The following PRDM5 variants were observed in gnomAD, a reference collection of about 807,000 sequenced individuals.
The protein encoded by PRDM5 is PR domain zinc finger protein 5.
A neutral mutation model predicts 81.2 loss-of-function variants in PRDM5; 56 were observed. The observed-to-expected ratio is 0.69, with a 90% CI of 0.56 to 0.86. The LOEUF is 0.86. Among genes scored for constraint, PRDM5 ranks in the 40% least tolerant of loss-of-function variants. The probability of loss-of-function intolerance (pLI) is 0.00; values close to 1 mark genes in which losing one functional copy is unlikely to be tolerated. For missense variants in PRDM5, 697 were observed against 770.1 expected, an observed-to-expected ratio of 0.91 and a Z score of 1.12; for synonymous variants, 267 against 256.4, an observed-to-expected ratio of 1.04 and a Z score of -0.39.
Position 120,784,981 on chromosome 4 carries a change from C to T in PRDM5, c.1282+17G>A. Reference sequence around the variant, plus strand: ...AGATAATTCCTTATATTCTCAACTGCCTGAATCGTGACTTACTGTTATGTA... The same window carrying T: ...AGATAATTCCTTATATTCTCAACTGTCTGAATCGTGACTTACTGTTATGTA... On this transcript the variant is annotated intron_variant, in intron 11 of 15. Coordinates refer to ENST00000264808, the MANE Select transcript of PRDM5 (RefSeq NM_018699.4). 3 of 1,556,304 alleles carry T rather than the reference C, an allele frequency of 1.9e-6. No individual in the cohort carries two copies. Among genetic ancestry groups the T allele is most frequent in the South Asian group, 2.2e-5 (2 of 89,972 alleles).
chr4:120,910,932 G>A lies in PRDM5; in HGVS notation c.94-3375C>T, dbSNP rs569086726. Among the ~76,000 whole-genome samples the A allele has an allele frequency of 8.5e-5, 13 of 152,146 alleles. No homozygotes were observed. In the East Asian group the frequency reaches 2.1e-3, roughly 25 times the overall value. ...CTGAAGATTTCACACTAGCAGATAG[G>A]AAAACTGTCCGCTCTTCCATTTTCT... On this transcript the variant is annotated intron_variant, in intron 1 of 15. Transcript: ENST00000264808.
intron 3 of PRDM5, chr4:120,839,074 C>T (rs866564050): frequency 1.5e-5 from 9 of 581,662 alleles, no homozygotes; most frequent in African/African-American, 3.7e-5. Flanking sequence ...TCCAGAAGCT[C>T]GGAGACACCA....
chr4:120,774,974 G>C (rs1367010875), intron 13 of PRDM5, among the ~76,000 whole-genome samples: 2 of 149,022 alleles, frequency 1.3e-5, no homozygotes, highest in Non-Finnish European at 3.0e-5. Context: ...ATATATGTGT[G>C]TGTATATGTA....
chr4:120,697,864 G>A (rs1287537915), intron 15 of PRDM5, among the ~76,000 whole-genome samples: 2 of 150,614 alleles, frequency 1.3e-5, no homozygotes, highest in African/African-American at 2.4e-5. Context: ...GAAACATAGA[G>A]AAAAGAAAGC....
intron 14 of PRDM5, among the ~76,000 whole-genome samples, chr4:120,728,759 G>T (rs17051235): frequency 0.2 from 30,284 of 152,032 alleles, 3,566 homozygotes; most frequent in Middle Eastern, 0.36. Context: ...CTCTAGAAAA[G>T]AACTGAGGTT....
rs759134690 is a variant in PRDM5, at chr4:120,922,565, G to A, written c.44C>T (p.Ser15Phe). ...YVPDRFSLKS[S>F]RVQDGMGLYT... The stretch of plus-strand genomic sequence containing the variant: ...GAGCCCCATGCCGTCCTGAACCCGG[G>A]AGGACTTCAGGGAGAACCTGTCCGG... The change falls in exon 1 of 16, where the codon TCC becomes TTC. Residue 15 changes from serine to phenylalanine, a missense_variant. This residue lies in a region of PRDM5 where 577 missense variants were observed against 606.7 expected (regional missense o/e 0.95). Coordinates refer to ENST00000264808, the MANE Select transcript of PRDM5 (RefSeq NM_018699.4). 5.6e-6 allele frequency: 9 copies of A among 1,610,968 alleles called. No individual in the cohort carries two copies. In the South Asian group the frequency reaches 6.6e-5, roughly 12 times the overall value.
chr4:120,817,010 A>C (rs1468370054), intron 5 of PRDM5, 86 bp from the exon 6 acceptor site: 3 of 1,115,390 alleles, frequency 2.7e-6, no homozygotes, highest in East Asian at 4.7e-5. Context: ...ACTCTGAATA[A>C]AGTCATGTTC....
chr4:120,830,943 T>C (rs1756639459), intron 3 of PRDM5, among the ~76,000 whole-genome samples: 1 of 152,144 alleles, frequency 6.6e-6, no homozygotes, highest in South Asian at 2.1e-4. Context: ...GCAGAGCTAG[T>C]AATGTTTGAA....
At chr4:120,686,792 T>C (rs893843623) in intron 1 of PRDM5, among the ~76,000 whole-genome samples, 15 of 152,130 alleles carry the variant, frequency 9.9e-5, no homozygotes, top group African/African-American at 3.6e-4. Flanking sequence ...CTTGGTCTAA[T>C]TGAACATTAG....
intron 8 of PRDM5, among the ~76,000 whole-genome samples, chr4:120,802,834 G>A (rs948271417): frequency 6.6e-6 from 1 of 152,184 alleles, no homozygotes; most frequent in Admixed American, 6.5e-5. Flanking sequence ...CTCCTTGCCA[G>A]CAACAGAACA....
intron 14 of PRDM5, chr4:120,731,770 C>T (rs188957296): frequency 6.6e-6 from 1 of 152,238 alleles, no homozygotes; most frequent in Admixed American, 6.5e-5. Context: ...TGGCAAAATC[C>T]ATCTTGAGTC....
chr4:120,790,683 G>A (rs1317513812), intron 10 of PRDM5, among the ~76,000 whole-genome samples: 1 of 152,138 alleles, frequency 6.6e-6, no homozygotes, highest in Non-Finnish European at 1.5e-5. Flanking sequence ...GTAGCAAATA[G>A]TTTTCTACAT....
At position 120,903,315 on chromosome 4, in the gene PRDM5, G is replaced by C. The variant is rs991909349; in HGVS notation, c.177+4159C>G. ...TGGAAAGACTCAAACAGTTCCACAA[G>C]GGGCAGAAGCAGGACCAGTAACAGG... On this transcript the variant is annotated intron_variant, in intron 2 of 15. Transcript: ENST00000264808. Among the ~76,000 whole-genome samples, 5 of 152,158 alleles carry C rather than the reference G, an allele frequency of 3.3e-5. No homozygotes were observed. In the East Asian group the frequency reaches 9.6e-4, roughly 29 times the overall value.
intron 3 of PRDM5, among the ~76,000 whole-genome samples, chr4:120,842,072 C>T (rs959303336): frequency 2.0e-5 from 3 of 152,120 alleles, no homozygotes; most frequent in East Asian, 1.9e-4. Context: ...CTGAGTGAGT[C>T]CAGACTGAAC....
chr4:120,832,155 T>A (rs1042733025), intron 3 of PRDM5, among the ~76,000 whole-genome samples: 1 of 152,128 alleles, frequency 6.6e-6, no homozygotes, highest in Non-Finnish European at 1.5e-5. Flanking sequence ...AGGATATTTA[T>A]AAAGGAAAGA....
intron 3 of PRDM5, among the ~76,000 whole-genome samples, chr4:120,852,768 A>G (rs2149418473): frequency 6.7e-6 from 1 of 148,500 alleles, no homozygotes; most frequent in South Asian, 2.1e-4. Context: ...TATATTTTTT[A>G]TATTAAAAAA....
In PRDM5 at chr4:120,841,118, C is replaced by T. The variant is rs536146240; in HGVS notation, c.300+12300G>A. On this transcript the variant is annotated intron_variant, in intron 3 of 15. Coordinates refer to ENST00000264808, the MANE Select transcript of PRDM5 (RefSeq NM_018699.4). ...TGAGATTTCTACGGTGACTAAGACT[C>T]AATCAAGGATGATTAGATTAGGGTC... 1.3e-3 allele frequency among the ~76,000 whole-genome samples: 201 copies of T among 152,238 alleles called. 1 individual carries two copies. Among genetic ancestry groups the T allele is most frequent in the Middle Eastern group, 6.8e-3 (2 of 294 alleles).
chr4:120,853,762 C>T (rs1306835019), intron 2 of PRDM5, among the ~76,000 whole-genome samples: 1 of 152,176 alleles, frequency 6.6e-6, no homozygotes, highest in African/African-American at 2.4e-5. Flanking sequence ...TTGCAATGAA[C>T]TCTCAGAAAC....
At chr4:120,737,719 T>C (rs1297455250) in intron 14 of PRDM5, among the ~76,000 whole-genome samples, 2 of 152,222 alleles carry the variant, frequency 1.3e-5, no homozygotes, top group Non-Finnish European at 2.9e-5. Flanking sequence ...ATTAAACTTA[T>C]GAGTGACTCC....
Sources: allele counts gnomAD v4.1 joint callset (sites outside exome capture counted in the v4.1 genomes callset), GRCh38; gene constraint gnomAD v4.1.1; regional missense constraint gnomAD v4.1.1; transcripts MANE v1.5; gene names NCBI Gene and HGNC (gene_info 2026-07-23, HGNC 2026-07-21).